DLG2: variants seen among roughly 807,000 people sequenced by gnomAD.
DLG2 encodes disks large homolog 2.
A neutral mutation model predicts 132.5 loss-of-function variants in DLG2; 45 were observed. The observed-to-expected ratio is 0.34, with a 90% CI of 0.27 to 0.44. The LOEUF is 0.44. Ranked by LOEUF, DLG2 falls within the 20% of genes least tolerant of loss-of-function variation. The pLI is 1.00. For missense variants in DLG2, 1,045 were observed against 1,196.9 expected, an observed-to-expected ratio of 0.87 and a Z score of 1.87; for synonymous variants, 424 against 419.6, an observed-to-expected ratio of 1.01 and a Z score of -0.13.
chr11:85,466,162 T>TC (rs896124044), intron 3 of DLG2, among the ~76,000 whole-genome samples: 111 of 152,356 alleles, frequency 7.3e-4, no homozygotes, highest in African/African-American at 2.6e-3. Flanking sequence ...TGCTTGTTTT[T>TC]TTCTTGTAAA....
chr11:85,000,863 G>C lies in DLG2; in HGVS notation c.357+110798C>G, dbSNP rs180739728. Among the ~76,000 whole-genome samples the C allele has an allele frequency of 1.1e-3, 171 of 152,112 alleles. 1 individual carries two copies. The Middle Eastern group carries it at 0.027, about 24-fold the overall frequency. ...AATTTTAATCTCATCTGAGAACACA[G>C]CCTCATCATTGTTACAAAGACTATA... On this transcript the variant is annotated intron_variant, in intron 6 of 27. Transcript: ENST00000376104.
intron 21 of DLG2, among the ~76,000 whole-genome samples, chr11:83,524,196 A>G (rs1049319564): frequency 2.0e-5 from 3 of 152,198 alleles, no homozygotes; most frequent in African/African-American, 7.2e-5. Context: ...TAGATAAGTT[A>G]TGATAATTGA....
At chr11:85,228,100 ATTTG>A (rs1331745890) in intron 4 of DLG2, among the ~76,000 whole-genome samples, 2 of 151,802 alleles carry the variant, frequency 1.3e-5, no homozygotes, top group South Asian at 2.1e-4. Flanking sequence ...CTCCATAATT[ATTTG>A]TTTATTTATT....
In DLG2 at chr11:84,277,313, A is replaced by G. The variant is rs117382287; in HGVS notation, c.520-26022T>C. On this transcript the variant is annotated intron_variant, in intron 7 of 27. Transcript: ENST00000376104. Reference sequence around the variant, plus strand: ...CTCAAATAGTATTTACCAAGATAGAACATATTTTTAACTTGAAATCAAATT... The same window carrying G: ...CTCAAATAGTATTTACCAAGATAGAGCATATTTTTAACTTGAAATCAAATT... 1.3e-3 allele frequency among the ~76,000 whole-genome samples: 194 copies of G among 152,342 alleles called. 2 individuals carry two copies. In the East Asian group the frequency reaches 0.019, roughly 15 times the overall value.
intron 6 of DLG2, among the ~76,000 whole-genome samples, chr11:85,059,852 G>A (rs1315043059): frequency 6.6e-6 from 1 of 151,606 alleles, no homozygotes; most frequent in Non-Finnish European, 1.5e-5. Flanking sequence ...TATGCACCCT[G>A]TGAGCTTTTC....
In DLG2 at chr11:84,648,438, C is replaced by T. The variant is rs569072170; in HGVS notation, c.358-113707G>A. 1.3e-4 allele frequency among the ~76,000 whole-genome samples: 20 copies of T among 152,286 alleles called. No homozygotes were observed. In the South Asian group the frequency reaches 4.1e-3, roughly 32 times the overall value. On this transcript the variant is annotated intron_variant, in intron 6 of 27. Coordinates refer to ENST00000376104, the MANE Select transcript of DLG2 (RefSeq NM_001142699.3). Reference sequence around the variant, plus strand: ...TAAAATTTGTGCGAGAAATTGAAATCTAAGGGGAAGACTGTAGCTTCTTGA... The same window carrying T: ...TAAAATTTGTGCGAGAAATTGAAATTTAAGGGGAAGACTGTAGCTTCTTGA...
At chr11:84,636,784 A>ATT (rs58336974) in intron 6 of DLG2, among the ~76,000 whole-genome samples, 9 of 145,708 alleles carry the variant, frequency 6.2e-5, no homozygotes, top group African/African-American at 2.3e-4. Flanking sequence ...AGGGATGCAC[A>ATT]TTTTTTTTTT....
At chr11:85,355,282 A>C (rs1466353144) in intron 3 of DLG2, among the ~76,000 whole-genome samples, 1 of 152,194 alleles carries the variant, frequency 6.6e-6, no homozygotes, top group Non-Finnish European at 1.5e-5. Flanking sequence ...ATTAAATCAA[A>C]TATATGGAAA....
intron 19 of DLG2, among the ~76,000 whole-genome samples, chr11:83,591,829 G>T (rs1352045731): frequency 4.0e-5 from 6 of 151,130 alleles, no homozygotes; most frequent in Non-Finnish European, 7.4e-5. Flanking sequence ...AAAATCACAA[G>T]CATTCTTATA....
intron 6 of DLG2, among the ~76,000 whole-genome samples, chr11:85,005,422 C>T (rs1452652368): frequency 1.3e-5 from 2 of 152,106 alleles, no homozygotes; most frequent in African/African-American, 2.4e-5. Context: ...GTATGTAGTT[C>T]TCCTTGAAGA....
At chr11:84,487,761 T>C (rs1465226208) in intron 7 of DLG2, among the ~76,000 whole-genome samples, 1 of 151,932 alleles carries the variant, frequency 6.6e-6, no homozygotes, top group Non-Finnish European at 1.5e-5. Context: ...AGGACACAGC[T>C]GGGAAAAATG....
chr11:84,211,258 C>A (rs1188882384), intron 8 of DLG2, among the ~76,000 whole-genome samples: 1 of 152,116 alleles, frequency 6.6e-6, no homozygotes, highest in Non-Finnish European at 1.5e-5. Flanking sequence ...TTATGGCATT[C>A]CTATTATTGC....
chr11:83,705,537 T>C (rs759175624), intron 18 of DLG2, among the ~76,000 whole-genome samples: 16 of 152,188 alleles, frequency 1.1e-4, no homozygotes, highest in Non-Finnish European at 2.1e-4. Context: ...TATGAAGATC[T>C]GTTATTGTGA....
intron 3 of DLG2, among the ~76,000 whole-genome samples, chr11:85,464,203 T>C (rs2092709233): frequency 6.6e-6 from 1 of 152,188 alleles, no homozygotes; most frequent in African/African-American, 2.4e-5. Context: ...TTCTAAAATA[T>C]TCTATGCATT....
intron 11 of DLG2, among the ~76,000 whole-genome samples, chr11:84,016,526 A>G (rs1354322719): frequency 2.6e-5 from 4 of 152,012 alleles, no homozygotes; most frequent in Non-Finnish European, 5.9e-5. Flanking sequence ...TGATTTTTGT[A>G]TATGGTATAA....
chr11:85,056,463 G>A (rs184985664), intron 6 of DLG2, among the ~76,000 whole-genome samples: 10 of 151,842 alleles, frequency 6.6e-5, no homozygotes, highest in African/African-American at 2.4e-4. Context: ...ATAGATCCAA[G>A]CACTAAAAGA....
intron 6 of DLG2, among the ~76,000 whole-genome samples, chr11:84,815,698 G>A (rs995826223): frequency 1.7e-4 from 26 of 152,032 alleles, no homozygotes; most frequent in African/African-American, 2.7e-4. Context: ...TCAATTTGCC[G>A]AAAAATGCAT....
intron 2 of DLG2, among the ~76,000 whole-genome samples, chr11:85,610,070 T>C (rs1052513859): frequency 1.3e-5 from 2 of 152,140 alleles, no homozygotes; most frequent in African/African-American, 4.8e-5. Flanking sequence ...AACCCTGAAG[T>C]CTGGGCATTG....
At chr11:84,720,526 C>T in intron 6 of DLG2, 1 of 980,642 alleles carries the variant, frequency 1.0e-6, no homozygotes, top group Non-Finnish European at 1.2e-6. Flanking sequence ...GTGGCCATCC[C>T]GGAGCCCCGG....
Sources: allele counts gnomAD v4.1 joint callset (sites outside exome capture counted in the v4.1 genomes callset), GRCh38; gene constraint gnomAD v4.1.1; transcripts MANE v1.5; gene names NCBI Gene and HGNC (gene_info 2026-07-23, HGNC 2026-07-21).